EYS: variants seen among roughly 807,000 people sequenced by gnomAD.
EYS encodes EGF-like photoreceptor maintenance factor.
In EYS, 250 loss-of-function variants were observed where a neutral mutation model predicts 282.1. That is an observed-to-expected ratio of 0.89 (90% confidence interval 0.80 to 0.98). The LOEUF (loss-of-function observed/expected upper bound fraction) is 0.98, where lower values mean the gene tolerates loss of function less well. EYS is among the 50% of genes least tolerant of loss of function. The probability of loss-of-function intolerance (pLI) is 0.00; values close to 1 mark genes in which losing one functional copy is unlikely to be tolerated. For missense variants in EYS, 4,016 were observed against 3,709.0 expected, an observed-to-expected ratio of 1.08 and a Z score of -2.15; for synonymous variants, 1,355 against 1,282.9, an observed-to-expected ratio of 1.06 and a Z score of -1.20.
chr6:65,105,516 C>A (rs1040967976), intron 12 of EYS, among the ~76,000 whole-genome samples: 1 of 151,784 alleles, frequency 6.6e-6, no homozygotes, highest in African/African-American at 2.4e-5. Flanking sequence ...TTAAGTATTT[C>A]TTCGACCACG....
chr6:65,376,698 A>G (rs1397577409), intron 8 of EYS, among the ~76,000 whole-genome samples: 1 of 152,194 alleles, frequency 6.6e-6, no homozygotes, highest in Non-Finnish European at 1.5e-5. Flanking sequence ...ACAAATGGAA[A>G]GCAAAAAAAG....
chr6:64,273,434 C>T (rs530880879), intron 30 of EYS, among the ~76,000 whole-genome samples: 6 of 151,884 alleles, frequency 4.0e-5, no homozygotes, highest in African/African-American at 7.2e-5. Flanking sequence ...TTTTTTTCCC[C>T]ACCTTTTTTT....
chr6:64,527,629 C>T (rs528977792), intron 26 of EYS, among the ~76,000 whole-genome samples: 267 of 151,630 alleles, frequency 1.8e-3, no homozygotes, highest in Non-Finnish European at 3.4e-3. Context: ...GAAATAAATG[C>T]TTAGGGTAAA....
At chr6:64,574,787 T>G (rs947423096) in intron 26 of EYS, among the ~76,000 whole-genome samples, 5 of 152,188 alleles carry the variant, frequency 3.3e-5, no homozygotes, top group Non-Finnish European at 7.3e-5. Context: ...AATATGTAAT[T>G]TCATTTACAG....
chr6:64,349,999 T>G (rs1053444030), intron 29 of EYS, among the ~76,000 whole-genome samples: 1 of 151,504 alleles, frequency 6.6e-6, no homozygotes, highest in Non-Finnish European at 1.5e-5. Flanking sequence ...ATAGAAAATG[T>G]GTTTAGAAAT....
At chr6:65,205,813 G>T (rs1766020314) in intron 12 of EYS, among the ~76,000 whole-genome samples, 1 of 151,860 alleles carries the variant, frequency 6.6e-6, no homozygotes, top group African/African-American at 2.4e-5. Flanking sequence ...ATAAAATTAA[G>T]GAAGAAATCC....
chr6:65,591,791 C>G (rs1015003902), intron 2 of EYS, among the ~76,000 whole-genome samples: 3 of 151,938 alleles, frequency 2.0e-5, no homozygotes, highest in Non-Finnish European at 2.9e-5. Flanking sequence ...CTTATATACT[C>G]TCTCATAATT....
intron 4 of EYS, chr6:65,491,571 C>G (rs75523803): frequency 0.019 from 8,032 of 434,122 alleles, 433 homozygotes; most frequent in African/African-American, 0.13. Flanking sequence ...CTTTTTTCTT[C>G]ATTTGCCTCC....
intron 34 of EYS, among the ~76,000 whole-genome samples, chr6:63,997,374 A>G (rs1006889497): frequency 6.6e-6 from 1 of 152,224 alleles, no homozygotes; most frequent in Non-Finnish European, 1.5e-5. Flanking sequence ...ATCTCACCAC[A>G]TATAGCCTCC....
rs374687573 is a variant in EYS at position 65,096,959 on chromosome 6, G to A, written c.2024-39232C>T. Among the ~76,000 whole-genome samples, 283 of 150,906 alleles carry A rather than the reference G, an allele frequency of 1.9e-3. 2 individuals carry two copies. Among genetic ancestry groups the A allele is most frequent in the African/African-American group, 6.5e-3 (270 of 41,424 alleles). ...CCTATCAACATTTCTTGGATATGAT[G>A]CCAAAAGAACAGCCAAAACAATAGC... On this transcript the variant is annotated intron_variant, in intron 12 of 42. Coordinates refer to ENST00000503581, the MANE Select transcript of EYS (RefSeq NM_001142800.2).
intron 32 of EYS, among the ~76,000 whole-genome samples, chr6:64,076,300 C>T (rs1771769224): frequency 6.6e-6 from 1 of 151,918 alleles, no homozygotes; most frequent in East Asian, 1.9e-4. Flanking sequence ...GGTTGAATAA[C>T]TCAGAAACAA....
At chr6:64,081,302 T>C (rs1010833871) in intron 32 of EYS, among the ~76,000 whole-genome samples, 38 of 152,192 alleles carry the variant, frequency 2.5e-4, no homozygotes, top group Non-Finnish European at 4.4e-4. Context: ...AAGAAGCCCA[T>C]ACATTCTGCT....
intron 31 of EYS, among the ~76,000 whole-genome samples, chr6:64,126,147 G>A (rs1773779080): frequency 1.3e-5 from 2 of 152,020 alleles, no homozygotes; most frequent in Admixed American, 1.3e-4. Flanking sequence ...ACAGTGTGGT[G>A]ATTCCTCAAG....
intron 30 of EYS, among the ~76,000 whole-genome samples, chr6:64,299,302 C>G (rs1322886195): frequency 2.0e-5 from 3 of 152,228 alleles, no homozygotes; most frequent in Non-Finnish European, 4.4e-5. Context: ...GTCATTAAAT[C>G]TGTACTGAAT....
intron 30 of EYS, among the ~76,000 whole-genome samples, chr6:64,260,466 G>T (rs1767550933): frequency 6.6e-6 from 1 of 151,964 alleles, no homozygotes; most frequent in South Asian, 2.1e-4. Flanking sequence ...TAATGGCAAT[G>T]GGATTTTAGT....
intron 36 of EYS, among the ~76,000 whole-genome samples, chr6:63,856,216 G>A (rs978377150): frequency 9.9e-5 from 15 of 151,868 alleles, no homozygotes; most frequent in African/African-American, 3.4e-4. Flanking sequence ...CAAGGTAAAA[G>A]TCTCTGGTGA....
intron 34 of EYS, among the ~76,000 whole-genome samples, chr6:63,998,868 T>A (rs1767954550): frequency 1.3e-5 from 2 of 152,094 alleles, no homozygotes; most frequent in Non-Finnish European, 2.9e-5. Flanking sequence ...ATTGTTAAAT[T>A]TGATAAAACT....
At chr6:65,518,255 A>G (rs922385261) in intron 2 of EYS, among the ~76,000 whole-genome samples, 2 of 152,110 alleles carry the variant, frequency 1.3e-5, no homozygotes, top group African/African-American at 4.8e-5. Flanking sequence ...ATTTACTTCT[A>G]TAAAATTAAC....
At chr6:64,450,294 A>T (rs1411346506) in intron 26 of EYS, among the ~76,000 whole-genome samples, 2 of 152,200 alleles carry the variant, frequency 1.3e-5, no homozygotes, top group Non-Finnish European at 2.9e-5. Context: ...GATCAATTCA[A>T]CAAGAAGAAC....
Sources: allele counts gnomAD v4.1 joint callset (sites outside exome capture counted in the v4.1 genomes callset), GRCh38; gene constraint gnomAD v4.1.1; transcripts MANE v1.5; gene names NCBI Gene and HGNC (gene_info 2026-07-23, HGNC 2026-07-21).